Variants in CR1 observed in about 807,000 individuals in gnomAD.
The protein encoded by CR1 is complement receptor type 1.
CR1 carries 116 observed loss-of-function variants against 187.3 expected under a neutral mutation model. The ratio of observed to expected loss-of-function variants is 0.62; its 90% CI spans 0.53 to 0.72. CR1 has a LOEUF of 0.72. Ranked by LOEUF, CR1 falls within the 30% of genes least tolerant of loss-of-function variation. The probability of loss-of-function intolerance (pLI) is 0.00; values close to 1 mark genes in which losing one functional copy is unlikely to be tolerated. For synonymous variants in CR1, 576 were observed against 747.1 expected, an observed-to-expected ratio of 0.77 and a Z score of 3.73; for missense variants, 1,731 against 2,110.7, an observed-to-expected ratio of 0.82 and a Z score of 3.52.
chr1:207,564,527 C>T lies in CR1; in HGVS notation c.3866+293C>T, dbSNP rs1323324352. ...TTAAGCAAAAAATATCAGCCAGGCA[C>T]GGTGGCTCACGTGTGTAATCCCAGC... is the stretch of plus-strand genomic sequence containing the variant. On this transcript the variant is annotated intron_variant, in intron 23 of 46. Coordinates refer to ENST00000367049, the MANE Select transcript of CR1 (RefSeq NM_000651.6). 5.3e-5 allele frequency among the ~76,000 whole-genome samples: 8 copies of T among 150,176 alleles called. 1 individual carries two copies. The South Asian group carries it at 6.2e-4, about 12-fold the overall frequency.
At chr1:207,605,911 C>T (rs1661737398) in intron 35 of CR1, 1 of 152,172 alleles carries the variant, frequency 6.6e-6, no homozygotes, top group Non-Finnish European at 1.5e-5. Flanking sequence ...CGGTCATTGC[C>T]ATAGTCACAC....
At chr1:207,588,106 T>G (rs1359900071) in intron 34 of CR1, among the ~76,000 whole-genome samples, 1 of 152,184 alleles carries the variant, frequency 6.6e-6, no homozygotes, top group Non-Finnish European at 1.5e-5. Context: ...GGAATGAGAG[T>G]ACAACACTTT....
chr1:207,639,842 G>T lies in CR1; in HGVS notation c.*433G>T. On this transcript the variant is annotated 3_prime_UTR_variant, in exon 47 of 47. Coordinates refer to ENST00000367049, the MANE Select transcript of CR1 (RefSeq NM_000651.6). ...TGAAAAATAAGTCACTTATAATTATGCTACCTACTGATAACCACTCCTAAT... is the reference window on the plus strand; with the variant it reads ...TGAAAAATAAGTCACTTATAATTATTCTACCTACTGATAACCACTCCTAAT... 6.4e-6 allele frequency: 1 copy of T among 155,354 alleles called. No individual in the cohort carries two copies. Among genetic ancestry groups the T allele is most frequent in the East Asian group, 1.9e-4 (1 of 5,282 alleles). The allele number at this position is 155,354 out of a possible 1,614,324, so 9.6% of individuals were successfully genotyped here.
intron 45 of CR1, among the ~76,000 whole-genome samples, chr1:207,629,085 T>C (rs1339696115): frequency 6.6e-6 from 1 of 152,188 alleles, no homozygotes; most frequent in African/African-American, 2.4e-5. Context: ...AGATAGGTCA[T>C]AAGATAGGTC....
At chr1:207,511,510 T>C in intron 3 of CR1, 59 bp from the exon 4 acceptor site, 2 of 1,527,590 alleles carry the variant, frequency 1.3e-6, no homozygotes, top group East Asian at 4.5e-5. Flanking sequence ...AAGTAGTAAT[T>C]TAATTGGGTA....
chr1:207,602,810 A>T (rs2102374844), intron 35 of CR1, among the ~76,000 whole-genome samples: 1 of 152,246 alleles, frequency 6.6e-6, no homozygotes, highest in African/African-American at 2.4e-5. Context: ...GTAGTGAGAT[A>T]TCGAGTAAAA....
At chr1:207,519,302 T>C (rs1659899208) in intron 4 of CR1, among the ~76,000 whole-genome samples, 1 of 151,806 alleles carries the variant, frequency 6.6e-6, no homozygotes, top group African/African-American at 2.4e-5. Flanking sequence ...AATTTAATAA[T>C]AAAAATTAAA....
At chr1:207,573,448 T>C (rs370798950) in intron 27 of CR1, among the ~76,000 whole-genome samples, 2 of 152,194 alleles carry the variant, frequency 1.3e-5, no homozygotes, top group South Asian at 4.2e-4. Flanking sequence ...CTACTCATCT[T>C]GCATTGCTGA....
chr1:207,502,737 C>A (rs1009355364), intron 1 of CR1, among the ~76,000 whole-genome samples: 4 of 152,188 alleles, frequency 2.6e-5, no homozygotes, highest in African/African-American at 7.2e-5. Flanking sequence ...TTTCTTGGAG[C>A]ATCATCCTTT....
At chr1:207,635,743 A>G (rs1275485524) in intron 46 of CR1, among the ~76,000 whole-genome samples, 1 of 152,208 alleles carries the variant, frequency 6.6e-6, no homozygotes, top group South Asian at 2.1e-4. Context: ...AAAACCTTGG[A>G]CAATACCTGG....
At chr1:207,590,743 C>T (rs968382512) in intron 35 of CR1, among the ~76,000 whole-genome samples, 7 of 151,916 alleles carry the variant, frequency 4.6e-5, no homozygotes, top group Admixed American at 6.6e-5. Context: ...CACACATAGG[C>T]GCAAAATAAA....
Position 207,575,696 on chromosome 1 carries a change from T to G in CR1, c.4537+16T>G. 1 of 1,611,702 alleles carries G rather than the reference T, an allele frequency of 6.2e-7. No individual in the cohort carries two copies. The highest frequency in any genetic ancestry group is 1.7e-5 in the Admixed American group (1 of 59,998). On this transcript the variant is annotated intron_variant, in intron 28 of 46. Transcript: ENST00000367049. The stretch of plus-strand genomic sequence containing the variant: ...ATTTGTCAACGTGAGTTGAAATCTC[T>G]TTCCCCATTCACCCCACCATTGAAT...
intron 46 of CR1, among the ~76,000 whole-genome samples, chr1:207,632,412 A>T (rs1662671322): frequency 6.6e-6 from 1 of 152,202 alleles, no homozygotes; most frequent in African/African-American, 2.4e-5. Flanking sequence ...CAATAGTTCA[A>T]ATAAAAATTG....
At chr1:207,580,948 T>A (rs1571555212) in intron 31 of CR1, among the ~76,000 whole-genome samples, 1 of 152,088 alleles carries the variant, frequency 6.6e-6, no homozygotes, top group Non-Finnish European at 1.5e-5. Context: ...ACCAGCTGGA[T>A]CCATGAACAG....
At chr1:207,499,549 A>G (rs1659200047) in intron 1 of CR1, among the ~76,000 whole-genome samples, 1 of 152,258 alleles carries the variant, frequency 6.6e-6, no homozygotes, top group Non-Finnish European at 1.5e-5. Flanking sequence ...TATAATTGAC[A>G]TATATAGATG....
At chr1:207,521,130 C>T (rs576602040) in intron 4 of CR1, among the ~76,000 whole-genome samples, 1 of 152,102 alleles carries the variant, frequency 6.6e-6, no homozygotes, top group African/African-American at 2.4e-5. Context: ...GCCTGTGCCT[C>T]CATGCCTGGC....
intron 4 of CR1, among the ~76,000 whole-genome samples, chr1:207,518,924 A>G (rs1326659586): frequency 6.6e-6 from 1 of 152,178 alleles, no homozygotes; most frequent in Non-Finnish European, 1.5e-5. Context: ...ACCCATTACA[A>G]TCCCCAACTA....
chr1:207,617,507 A>ATATATATATATGTGTGTGTG (rs1332301171), intron 41 of CR1, among the ~76,000 whole-genome samples: 1 of 47,030 alleles, frequency 2.1e-5, no homozygotes, highest in Admixed American at 3.0e-4. Context: ...ATATATATAT[A>ATATATATATATGTGTGTGTG]TGTGTGTGTG....
At chr1:207,618,001 G>A in intron 41 of CR1, 70 bp from the exon 42 acceptor site, 1 of 1,518,894 alleles carries the variant, frequency 6.6e-7, no homozygotes, top group Non-Finnish European at 8.9e-7. Flanking sequence ...TATTGGATGT[G>A]TTCATGTATT....
Sources: allele counts gnomAD v4.1 joint callset (sites outside exome capture counted in the v4.1 genomes callset), GRCh38; gene constraint gnomAD v4.1.1; transcripts MANE v1.5; gene names NCBI Gene and HGNC (gene_info 2026-07-23, HGNC 2026-07-21).